KCNAB1: variants seen among roughly 807,000 people sequenced by gnomAD.
KCNAB1 encodes voltage-gated potassium channel subunit beta-1.
A neutral mutation model predicts 64.6 loss-of-function variants in KCNAB1; 35 were observed. The observed-to-expected ratio is 0.54, with a 90% CI of 0.41 to 0.72. The LOEUF (loss-of-function observed/expected upper bound fraction) is 0.72, where lower values mean the gene tolerates loss of function less well. KCNAB1 is among the 30% of genes least tolerant of loss of function. The pLI is 0.00. For synonymous variants in KCNAB1, 177 were observed against 183.8 expected (o/e 0.96, Z 0.30); for missense variants, 401 against 512.9 (o/e 0.78, Z 2.11).
chr3:156,120,517 G>C, upstream of KCNAB1: 1 of 1,389,880 alleles, frequency 7.2e-7, no homozygotes, highest in South Asian at 1.3e-5. Context: ...GAGAGGTGGA[G>C]TGGGCAGGGA....
chr3:156,460,049 A>G (rs1712782747), intron 5 of KCNAB1, 178 bp downstream of exon 5: 1 of 524,212 alleles, frequency 1.9e-6, no homozygotes, highest in Non-Finnish European at 3.4e-6. Context: ...TGGAGCTTCA[A>G]AAATTACTGA....
chr3:156,505,025 T>G (rs76584091), intron 8 of KCNAB1, among the ~76,000 whole-genome samples: 1 of 152,192 alleles, frequency 6.6e-6, no homozygotes, highest in Non-Finnish European at 1.5e-5. Context: ...TCTAGTAGTG[T>G]CATAGCTTCA....
chr3:156,501,987 C>T lies in KCNAB1; in HGVS notation c.659-12377C>T, dbSNP rs183284851. The stretch of plus-strand genomic sequence containing the variant: ...CTTATTAACTATCATGAGAATAGCA[C>T]GGGAAAGACCAGCCCCCATGATTCA... On this transcript the variant is annotated intron_variant, in intron 8 of 13. Coordinates refer to ENST00000490337, the MANE Select transcript of KCNAB1 (RefSeq NM_172160.3). Among the ~76,000 whole-genome samples, 811 of 152,152 alleles carry T rather than the reference C, an allele frequency of 5.3e-3. 3 individuals are homozygous for T. The highest frequency in any genetic ancestry group is 0.01 in the Middle Eastern group (3 of 294).
rs114906604 is a variant in KCNAB1 at position 156,311,840 on chromosome 3, T to C, written c.276-109776T>C. On this transcript the variant is annotated intron_variant, in intron 1 of 13. Coordinates refer to ENST00000490337, the MANE Select transcript of KCNAB1 (RefSeq NM_172160.3). ...CTGAATCTTTCCTCAGCCCCATTTA[T>C]TGACTGCAAATAGTGCAGTGTGCAC... Among the ~76,000 whole-genome samples the C allele has an allele frequency of 5.9e-3, 895 of 152,336 alleles. 12 individuals are homozygous for C. The highest frequency in any genetic ancestry group is 0.02 in the African/African-American group (851 of 41,568).
intron 1 of KCNAB1, among the ~76,000 whole-genome samples, chr3:156,417,732 A>AAAAAAAAAAAAAAG (rs536216164): frequency 3.3e-5 from 5 of 151,928 alleles, no homozygotes; most frequent in African/African-American, 1.2e-4. Flanking sequence ...AAAAAAAAAA[A>AAAAAAAAAAAAAAG]GCCTGGTGGC....
intron 11 of KCNAB1, among the ~76,000 whole-genome samples, chr3:156,521,018 T>C (rs1717908549): frequency 6.6e-6 from 1 of 152,188 alleles, no homozygotes; most frequent in South Asian, 2.1e-4. Flanking sequence ...TAGGGACATA[T>C]AAAATCATCA....
At chr3:156,302,386 C>T (rs554660417) in intron 1 of KCNAB1, among the ~76,000 whole-genome samples, 16 of 152,192 alleles carry the variant, frequency 1.1e-4, no homozygotes, top group Middle Eastern at 3.4e-3. Flanking sequence ...CAGCCTGCCA[C>T]CCATATCATG....
intron 1 of KCNAB1, among the ~76,000 whole-genome samples, chr3:156,232,873 C>T (rs1200642935): frequency 6.6e-6 from 1 of 152,164 alleles, no homozygotes; most frequent in Non-Finnish European, 1.5e-5. Context: ...CAGAAAAACA[C>T]AGAAATAGTA....
At chr3:156,273,394 C>T (rs1560168656) in intron 1 of KCNAB1, among the ~76,000 whole-genome samples, 1 of 152,218 alleles carries the variant, frequency 6.6e-6, no homozygotes, top group Non-Finnish European at 1.5e-5. Context: ...CAAGTTCCAA[C>T]TGCTGGGATG....
intron 1 of KCNAB1, chr3:156,175,821 G>T: frequency 1.6e-6 from 1 of 630,738 alleles, no homozygotes; most frequent in East Asian, 3.4e-5. Context: ...TATGCAGTCT[G>T]AGGTCTCAAA....
At chr3:156,306,608 G>A (rs930213831) in intron 1 of KCNAB1, among the ~76,000 whole-genome samples, 3 of 152,206 alleles carry the variant, frequency 2.0e-5, no homozygotes, top group African/African-American at 7.2e-5. Context: ...AGTCAGGTTT[G>A]AAAGAAAAGG....
intron 1 of KCNAB1, among the ~76,000 whole-genome samples, chr3:156,182,898 C>T (rs1712959614): frequency 6.6e-6 from 1 of 151,634 alleles, no homozygotes; most frequent in African/African-American, 2.4e-5. Context: ...CCGGGTTTCA[C>T]CATGTTGGCC....
rs16826295 is a variant in KCNAB1, at chr3:156,477,389, C to T, written c.658+2569C>T. Among the ~76,000 whole-genome samples, 1,419 of 152,190 alleles carry T rather than the reference C, an allele frequency of 9.3e-3. 31 individuals are homozygous for T. The highest frequency in any genetic ancestry group is 0.033 in the African/African-American group (1,370 of 41,514). On this transcript the variant is annotated intron_variant, in intron 8 of 13. Coordinates refer to ENST00000490337, the MANE Select transcript of KCNAB1 (RefSeq NM_172160.3). The stretch of plus-strand genomic sequence containing the variant: ...AGGGTGTCAAACAATGGAGATTCGC[C>T]ACTTGTTGATAAGGTCAAGGCACAT...
intron 8 of KCNAB1, among the ~76,000 whole-genome samples, chr3:156,497,768 C>T (rs1366117324): frequency 6.6e-6 from 1 of 152,158 alleles, no homozygotes; most frequent in Non-Finnish European, 1.5e-5. Flanking sequence ...TTTTTAGCAA[C>T]TCAATGAACA....
intron 1 of KCNAB1, among the ~76,000 whole-genome samples, chr3:156,231,946 G>A (rs1237547522): frequency 1.3e-5 from 2 of 152,130 alleles, no homozygotes; most frequent in South Asian, 2.1e-4. Context: ...CAGGCTGAGG[G>A]CTGTGTCATG....
intron 1 of KCNAB1, among the ~76,000 whole-genome samples, chr3:156,352,787 T>C (rs908126260): frequency 6.6e-6 from 1 of 152,222 alleles, no homozygotes. Flanking sequence ...GAAAAAGGCT[T>C]TGGGCAGAGG....
intron 7 of KCNAB1, among the ~76,000 whole-genome samples, chr3:156,474,244 AT>A (rs1576913288): frequency 6.6e-6 from 1 of 152,182 alleles, no homozygotes; most frequent in Non-Finnish European, 1.5e-5. Context: ...TAAAACCAAC[AT>A]TTACATTAAG....
chr3:156,186,819 G>C (rs1322291559), intron 1 of KCNAB1, among the ~76,000 whole-genome samples: 1 of 150,688 alleles, frequency 6.6e-6, no homozygotes, highest in Admixed American at 6.6e-5. Flanking sequence ...TGACTTTTAG[G>C]GCATTGTTTT....
chr3:156,319,774 A>G (rs1722532670), intron 1 of KCNAB1, among the ~76,000 whole-genome samples: 1 of 152,228 alleles, frequency 6.6e-6, no homozygotes, highest in Non-Finnish European at 1.5e-5. Flanking sequence ...CTCCTATTGG[A>G]TATTCTCCGT....
Sources: gnomAD v4.1 joint callset for allele counts (sites outside exome capture counted in the v4.1 genomes callset) on GRCh38, gnomAD v4.1.1 for gene constraint, MANE v1.5 for transcripts, NCBI Gene and HGNC (gene_info 2026-07-23, HGNC 2026-07-21) for gene names.